ALMS1: variants seen among roughly 807,000 people sequenced by gnomAD.
ALMS1 encodes ALMS1 centrosome and basal body associated protein, also known as centrosome-associated protein ALMS1.
A neutral mutation model predicts 352.2 loss-of-function variants in ALMS1; 271 were observed. The observed-to-expected ratio is 0.77, with a 90% CI of 0.70 to 0.85. ALMS1 has a LOEUF of 0.85. Among genes scored for constraint, ALMS1 ranks in the 40% least tolerant of loss-of-function variants. The probability of loss-of-function intolerance (pLI) is 0.00; values close to 1 mark genes in which losing one functional copy is unlikely to be tolerated. For synonymous variants in ALMS1, 1,865 were observed against 1,761.2 expected, an observed-to-expected ratio of 1.06 and a Z score of -1.48; for missense variants, 5,445 against 4,870.7, an observed-to-expected ratio of 1.12 and a Z score of -3.51.
At chr2:73,392,042 T>G (rs1417383144) in intron 1 of ALMS1, among the ~76,000 whole-genome samples, 1 of 152,170 alleles carries the variant, frequency 6.6e-6, no homozygotes, top group African/African-American at 2.4e-5. Flanking sequence ...TTCATTTGCC[T>G]CTGTGGTTAT....
chr2:73,491,276 C>G lies in ALMS1; in HGVS notation c.9317C>G (p.Pro3106Arg). 1 of 1,614,152 alleles carries G rather than the reference C, an allele frequency of 6.2e-7. No homozygotes were observed. Among genetic ancestry groups the G allele is most frequent in the Non-Finnish European group, 8.5e-7 (1 of 1,180,016 alleles). Residue 3106 changes from proline to arginine, a missense_variant, in exon 10 of 23, where the codon CCT becomes CGT. Pro to Arg is a moderately radical substitution (Grantham distance 103). Transcript: ENST00000613296. ...EPTSKLLTSK[P>R]VAQDQESLGF... ...ACCTCCAAATTATTGACCAGTAAAC[C>G]TGTAGCACAGGATCAAGAATCTTTA...
chr2:73,450,921 C>A lies in ALMS1; in HGVS notation c.4394C>A (p.Thr1465Lys), dbSNP rs200980776. 2 of 1,613,700 alleles carry A rather than the reference C, an allele frequency of 1.2e-6. No individual in the cohort carries two copies. Among genetic ancestry groups the A allele is most frequent in the African/African-American group, 2.7e-5 (2 of 74,856 alleles). Residue 1465 changes from threonine to lysine, a missense_variant, in exon 8 of 23, where the codon ACG (threonine) becomes AAG (lysine). Thr to Lys is a moderately conservative substitution (Grantham distance 78, BLOSUM62 -1). Coordinates refer to ENST00000613296, the MANE Select transcript of ALMS1 (RefSeq NM_001378454.1). ...GTTGCTCCTGGACCAGTTGACCAGA[C>A]GATTGGCACACCAACTGTAACCTCC... ...VSVAPGPVDQTIGTPTVTSPS... is the reference protein window; with the variant it reads ...VSVAPGPVDQKIGTPTVTSPS...
chr2:73,448,631 G>A lies in ALMS1; in HGVS notation c.2104G>A (p.Ala702Thr), dbSNP rs1409789431. 1 of 1,613,842 alleles carries A rather than the reference G, an allele frequency of 6.2e-7. No individual in the cohort carries two copies. The highest frequency in any genetic ancestry group is 1.7e-5 in the Admixed American group (1 of 60,000). ...ALKVSAVSGP[A>T]DQKTGTATVL... ...GAAAGTCTCAGCTGTGTCTGGACCAGCTGACCAGAAGACTGGGACAGCAAC... is the reference window on the plus strand; with the variant it reads ...GAAAGTCTCAGCTGTGTCTGGACCAACTGACCAGAAGACTGGGACAGCAAC... The change falls in exon 8 of 23, where the codon GCT becomes ACT. Residue 702 changes from alanine (A) to threonine (T), a missense_variant. Physicochemically the swap from Ala to Thr is moderately conservative, Grantham distance 58 (BLOSUM62 0). Coordinates refer to ENST00000613296, the MANE Select transcript of ALMS1 (RefSeq NM_001378454.1).
intron 9 of ALMS1, among the ~76,000 whole-genome samples, chr2:73,487,664 A>T (rs1572967168): frequency 6.6e-6 from 1 of 152,108 alleles, no homozygotes; most frequent in Non-Finnish European, 1.5e-5. Flanking sequence ...GTGGATCCTG[A>T]GCTCTTGTCC....
intron 11 of ALMS1, among the ~76,000 whole-genome samples, chr2:73,531,831 AAG>A (rs1673919946): frequency 6.6e-6 from 1 of 152,234 alleles, no homozygotes; most frequent in Admixed American, 6.5e-5. Context: ...CAGCAGGAGA[AAG>A]AGAGCTCAGG....
chr2:73,452,150 G>C lies in ALMS1; in HGVS notation c.5623G>C (p.Ala1875Pro). 1 of 1,609,048 alleles carries C rather than the reference G, an allele frequency of 6.2e-7. No individual in the cohort carries two copies. The highest frequency in any genetic ancestry group is 1.1e-5 in the South Asian group (1 of 90,872). ...LPDLTEVTLK[A>P]IGVPGPADQK... ...AGATCTTACTGAAGTAACTTTGAAA[G>C]CAATAGGGGTTCCTGGGCCTGCTGA... Residue 1875 changes from alanine (A) to proline (P), a missense_variant, in exon 8 of 23, where the codon GCA (alanine) becomes CCA (proline). Transcript: ENST00000613296.
chr2:73,534,781 CA>C (rs1308166967), intron 11 of ALMS1, 42 bp from the exon 12 acceptor site: 1 of 1,600,928 alleles, frequency 6.2e-7, no homozygotes, highest in Non-Finnish European at 8.6e-7. Context: ...AATGAATTAA[CA>C]AATGTTTTTC....
At chr2:73,507,517 C>T (rs901742510) in intron 10 of ALMS1, among the ~76,000 whole-genome samples, 2 of 152,056 alleles carry the variant, frequency 1.3e-5, no homozygotes, top group Non-Finnish European at 2.9e-5. Context: ...GTGTATGTGT[C>T]GAGGAATTTA....
intron 16 of ALMS1, among the ~76,000 whole-genome samples, chr2:73,575,087 A>G (rs912060303): frequency 1.3e-5 from 2 of 152,228 alleles, no homozygotes; most frequent in African/African-American, 2.4e-5. Flanking sequence ...CCATGACATA[A>G]CATGTATCAA....
At position 73,454,059 on chromosome 2, in the gene ALMS1, G is replaced by T; in HGVS notation, c.7532G>T (p.Arg2511Leu). The T allele has an allele frequency of 6.2e-7, 1 of 1,609,574 alleles. No individual in the cohort carries two copies. The highest frequency in any genetic ancestry group is 1.1e-5 in the South Asian group (1 of 90,372). Residue 2511 changes from arginine (R) to leucine (L), a missense_variant, in exon 8 of 23, where the codon CGA becomes CTA. Physicochemically the swap from Arg to Leu is moderately radical, Grantham distance 102. Transcript: ENST00000613296. ...GCAGAGGAAGAGGAAAGCCGGGTAC[G>T]AGCACATGGTAAGAAGAAAGTTTCA... Reference protein sequence around the residue: ...RNAEEEESRVRAHAWNMKFNL... With the variant: ...RNAEEEESRVLAHAWNMKFNL...
intron 7 of ALMS1, among the ~76,000 whole-genome samples, chr2:73,446,893 A>G (rs775819727): frequency 5.3e-5 from 8 of 152,164 alleles, no homozygotes; most frequent in Non-Finnish European, 1.2e-4. Flanking sequence ...GCACTGTTAC[A>G]TGGTCATCTT....
chr2:73,411,672 G>A (rs965585641), intron 2 of ALMS1, among the ~76,000 whole-genome samples: 6 of 151,994 alleles, frequency 3.9e-5, no homozygotes, highest in African/African-American at 7.3e-5. Flanking sequence ...TTCTTTCGTC[G>A]TTCATCTTTG....
chr2:73,581,444 G>A (rs1020648547), intron 16 of ALMS1, among the ~76,000 whole-genome samples: 5 of 152,188 alleles, frequency 3.3e-5, no homozygotes, highest in Admixed American at 6.5e-5. Context: ...AAGGGCTGCC[G>A]TCTTTAAGAC....
intron 9 of ALMS1, among the ~76,000 whole-genome samples, chr2:73,482,368 G>A (rs1672729311): frequency 6.6e-6 from 1 of 152,094 alleles, no homozygotes; most frequent in Admixed American, 6.6e-5. Flanking sequence ...CTGTTTATAT[G>A]CTGGATTACA....
intron 7 of ALMS1, among the ~76,000 whole-genome samples, chr2:73,445,846 C>A (rs956829903): frequency 6.6e-6 from 1 of 152,084 alleles, no homozygotes; most frequent in African/African-American, 2.4e-5. Flanking sequence ...ACCCCTAGTT[C>A]TGAAAATGAA....
intron 1 of ALMS1, among the ~76,000 whole-genome samples, chr2:73,395,730 A>AAT (rs767178740): frequency 3.2e-4 from 48 of 152,116 alleles, no homozygotes; most frequent in Non-Finnish European, 1.3e-4. Flanking sequence ...GTCAAGGGCA[A>AAT]ATATATATAG....
chr2:73,490,121 G>T lies in ALMS1; in HGVS notation c.8162G>T (p.Arg2721Leu). Residue 2721 changes from arginine to leucine, a missense_variant, in exon 10 of 23, where the codon CGA becomes CTA. By Grantham distance (102) the Arg-to-Leu change is moderately radical. Coordinates refer to ENST00000613296, the MANE Select transcript of ALMS1 (RefSeq NM_001378454.1). Reference protein sequence around the residue: ...FTTSITFSSHRHSKCISNSSV... With the variant: ...FTTSITFSSHLHSKCISNSSV... Reference sequence around the variant, plus strand: ...ACCTCCATCACTTTTTCATCTCACCGACATTCTAAATGCATTTCCAATTCC... The same window carrying T: ...ACCTCCATCACTTTTTCATCTCACCTACATTCTAAATGCATTTCCAATTCC... The T allele has an allele frequency of 6.2e-7, 1 of 1,614,052 alleles. No homozygotes were observed. The highest frequency in any genetic ancestry group is 8.5e-7 in the Non-Finnish European group (1 of 1,180,012).
intron 22 of ALMS1, 132 bp from the exon 23 acceptor site, chr2:73,609,436 C>A: frequency 1.2e-6 from 1 of 842,154 alleles, no homozygotes; most frequent in Non-Finnish European, 2.0e-6. Context: ...GTTTCTGAAG[C>A]AGAGTAAAAT....
chr2:73,472,631 C>A lies in ALMS1; in HGVS notation c.7675-17003C>A, dbSNP rs116200280. On this transcript the variant is annotated intron_variant, in intron 9 of 22. Coordinates refer to ENST00000613296, the MANE Select transcript of ALMS1 (RefSeq NM_001378454.1). ...ATTAAAAACCAGGAAAAGTAGGGAG[C>A]TGTAGCGCTGCAGAAACAGAACACT... Among the ~76,000 whole-genome samples, 601 of 152,120 alleles carry A rather than the reference C, an allele frequency of 4.0e-3. 2 individuals carry two copies. The highest frequency in any genetic ancestry group is 6.6e-3 in the Non-Finnish European group (447 of 67,972).
Sources: gnomAD v4.1 joint callset for allele counts (sites outside exome capture counted in the v4.1 genomes callset) on GRCh38, gnomAD v4.1.1 for gene constraint, MANE v1.5 for transcripts, NCBI Gene and HGNC (gene_info 2026-07-23, HGNC 2026-07-21) for gene names.